Variants in SLC22A2 observed in about 807,000 individuals in gnomAD.
SLC22A2 encodes solute carrier family 22 member 2.
Under a neutral mutation model 60.5 loss-of-function variants are expected in SLC22A2, and 46 were observed. That is an observed-to-expected ratio of 0.76 (90% CI 0.60 to 0.97). SLC22A2 has a LOEUF of 0.97. SLC22A2 is among the 50% of genes least tolerant of loss of function. The probability of loss-of-function intolerance (pLI) is 0.00; values close to 1 mark genes in which losing one functional copy is unlikely to be tolerated. For synonymous variants in SLC22A2, 303 were observed against 267.0 expected (o/e 1.13, Z -1.31); for missense variants, 701 against 706.6 (o/e 0.99, Z 0.09).
At chr6:160,248,526 G>C (rs1280970886) in intron 4 of SLC22A2, among the ~76,000 whole-genome samples, 1 of 152,226 alleles carries the variant, frequency 6.6e-6, no homozygotes, top group Non-Finnish European at 1.5e-5. Context: ...GAACAAGTGG[G>C]TAAATCCAGG....
At chr6:160,248,087 C>A (rs963169052) in intron 4 of SLC22A2, among the ~76,000 whole-genome samples, 3 of 152,176 alleles carry the variant, frequency 2.0e-5, no homozygotes, top group Non-Finnish European at 4.4e-5. Context: ...GTATAATGGA[C>A]TGAATGTTTC....
intron 10 of SLC22A2, among the ~76,000 whole-genome samples, chr6:160,223,865 TTAC>T (rs1470579562): frequency 3.9e-5 from 6 of 152,142 alleles, no homozygotes; most frequent in African/African-American, 1.4e-4. Context: ...GTGGCTGGGA[TTAC>T]AGGCGCATAC....
chr6:160,234,385 G>A (rs1236995899), intron 9 of SLC22A2, among the ~76,000 whole-genome samples: 5 of 152,112 alleles, frequency 3.3e-5, no homozygotes, highest in African/African-American at 4.8e-5. Context: ...AGATCCCTTC[G>A]CTACCGACAA....
intron 9 of SLC22A2, among the ~76,000 whole-genome samples, chr6:160,228,715 T>C (rs142227134): frequency 0.018 from 2,713 of 152,234 alleles, 101 homozygotes; most frequent in African/African-American, 0.063. Context: ...TATATCCAGA[T>C]GGCCTGAAGT....
At chr6:160,243,478 GA>G in intron 7 of SLC22A2, 93 bp downstream of exon 7, 1 of 969,294 alleles carries the variant, frequency 1.0e-6, no homozygotes, top group Non-Finnish European at 1.6e-6. Flanking sequence ...AATTGATTTG[GA>G]TGACAAATTA....
chr6:160,254,870 A>C (rs1562439386), intron 2 of SLC22A2, among the ~76,000 whole-genome samples: 1 of 152,236 alleles, frequency 6.6e-6, no homozygotes, highest in Non-Finnish European at 1.5e-5. Flanking sequence ...ATTTATGACC[A>C]ATCTCCTACT....
Position 160,247,404 on chromosome 6 carries a change from T to G in SLC22A2, c.843-106A>C. On this transcript the variant is annotated intron_variant, in intron 4 of 10. Coordinates refer to ENST00000366953, the MANE Select transcript of SLC22A2 (RefSeq NM_003058.4). ...CTGAGGATGTTAATACAGTTGGATCTCCAAAGAAAATAACACTCGTGTAGG... is the reference window on the plus strand; with the variant it reads ...CTGAGGATGTTAATACAGTTGGATCGCCAAAGAAAATAACACTCGTGTAGG... The G allele has an allele frequency of 4.5e-6, 3 of 670,874 alleles. No homozygotes were observed. In the South Asian group the frequency reaches 5.2e-5, roughly 12 times the overall value. The allele number at this position is 670,874 out of a possible 1,614,324, so 41.6% of individuals were successfully genotyped here.
At position 160,258,394 on chromosome 6, in the gene SLC22A2, A is replaced by G. The variant is rs767010128; in HGVS notation, c.364T>C (p.Cys122Arg). ...TNRSRLPLGPCRDGWVYETPG... is the reference protein window; with the variant it reads ...TNRSRLPLGPRRDGWVYETPG... ...GTCTCGTACACCCAGCCGTCCCGGC[A>G]GGGGCCCAGTGGCAGGCGGCTCCTG... is the stretch of plus-strand genomic sequence containing the variant. Residue 122 changes from cysteine to arginine, a missense_variant, in exon 1 of 11, where the codon TGC becomes CGC. By Grantham distance (180) the Cys-to-Arg change is radical (BLOSUM62 -3). Transcript: ENST00000366953. 1 of 1,613,790 alleles carries G rather than the reference A, an allele frequency of 6.2e-7. No homozygotes were observed.
At chr6:160,239,474 C>T (rs1782964414) in intron 9 of SLC22A2, among the ~76,000 whole-genome samples, 1 of 152,182 alleles carries the variant, frequency 6.6e-6, no homozygotes, top group Admixed American at 6.5e-5. Context: ...GTGCAAGATC[C>T]AAGAACCCCC....
chr6:160,221,554 C>T (rs1782644730), intron 10 of SLC22A2, among the ~76,000 whole-genome samples: 1 of 152,240 alleles, frequency 6.6e-6, no homozygotes, highest in African/African-American at 2.4e-5. Context: ...TTCAACATGA[C>T]TTCCTCATTG....
intron 9 of SLC22A2, among the ~76,000 whole-genome samples, chr6:160,234,033 C>T (rs1300459752): frequency 6.6e-6 from 1 of 152,194 alleles, no homozygotes; most frequent in African/African-American, 2.4e-5. Context: ...TGAAAATGGC[C>T]TGTTCCTGCC....
At chr6:160,249,177 T>C in intron 4 of SLC22A2, 39 bp downstream of exon 4, 2 of 1,413,658 alleles carry the variant, frequency 1.4e-6, no homozygotes, top group Non-Finnish European at 2.0e-6. Context: ...CAGAATAAAA[T>C]ACTTTGATTT....
Position 160,224,634 on chromosome 6 carries a change from C to A in SLC22A2, c.1601+71G>T, listed in dbSNP as rs113386503. 455 of 831,232 alleles carry A rather than the reference C, an allele frequency of 5.5e-4. 6 individuals are homozygous for A. The African/African-American group carries it at 6.6e-3, about 12-fold the overall frequency. 51.5% of individuals were successfully genotyped at this position (831,232 alleles called of 1,614,324 possible). ...TGTGAAGTATAAAGTCAATTTAATT[C>A]TTTCCAAATGGCTATAGGGTTGTCT... On this transcript the variant is annotated intron_variant, in intron 10 of 10. Coordinates refer to ENST00000366953, the MANE Select transcript of SLC22A2 (RefSeq NM_003058.4).
chr6:160,229,659 TTCTC>T (rs991087932), intron 9 of SLC22A2, among the ~76,000 whole-genome samples: 3 of 151,590 alleles, frequency 2.0e-5, no homozygotes, highest in African/African-American at 4.9e-5. Flanking sequence ...CCCCCACTCC[TTCTC>T]TCTGTGTCTC....
chr6:160,225,292 C>T (rs535961656), intron 9 of SLC22A2, among the ~76,000 whole-genome samples: 9 of 152,216 alleles, frequency 5.9e-5, no homozygotes, highest in East Asian at 3.9e-4. Flanking sequence ...ATTAAATTCC[C>T]GTTATTCCTT....
At chr6:160,218,948 G>GAAATCA (rs1782594155) in intron 10 of SLC22A2, among the ~76,000 whole-genome samples, 1 of 892 alleles carries the variant, frequency 1.1e-3, no homozygotes, top group Non-Finnish European at 2.2e-3. Flanking sequence ...AGTAGTAATA[G>GAAATCA]CAGCAACAGC....
chr6:160,223,924 G>T (rs1223808273), intron 10 of SLC22A2, among the ~76,000 whole-genome samples: 1 of 151,998 alleles, frequency 6.6e-6, no homozygotes, highest in Non-Finnish European at 1.5e-5. Context: ...TAGAGACGGG[G>T]TTTCACCATG....
chr6:160,245,694 A>ATTTTTTT (rs11422120), intron 5 of SLC22A2, 149 bp from the exon 6 acceptor site: 10 of 163,908 alleles, frequency 6.1e-5, no homozygotes, highest in Admixed American at 2.3e-4. Flanking sequence ...GTCCCATTTC[A>ATTTTTTT]TTTTTTTTTT....
chr6:160,251,617 A>C (rs1783187811), intron 2 of SLC22A2, among the ~76,000 whole-genome samples: 1 of 152,178 alleles, frequency 6.6e-6, no homozygotes, highest in African/African-American at 2.4e-5. Context: ...TGCTTGTAAA[A>C]GACACCCTAA....
Sources: allele counts gnomAD v4.1 joint callset (sites outside exome capture counted in the v4.1 genomes callset), GRCh38; gene constraint gnomAD v4.1.1; transcripts MANE v1.5; gene names NCBI Gene and HGNC (gene_info 2026-07-23, HGNC 2026-07-21).